RRM2: variants seen among roughly 807,000 people sequenced by gnomAD.
RRM2 encodes ribonucleotide reductase regulatory subunit M2.
Under a neutral mutation model 45.9 loss-of-function variants are expected in RRM2, and 6 were observed. That is an observed-to-expected ratio of 0.13 (90% CI 0.07 to 0.26). RRM2 has a LOEUF of 0.26. RRM2 is among the 10% of genes least tolerant of loss of function. The pLI is 1.00. For missense variants in RRM2, 343 were observed against 489.5 expected (o/e 0.70, Z 2.82); for synonymous variants, 177 against 173.0 (o/e 1.02, Z -0.18).
intron 3 of RRM2, chr2:10,155,275 GAAAT>G (rs1438436559): frequency 5.7e-6 from 1 of 176,426 alleles, no homozygotes; most frequent in African/African-American, 2.4e-5. Context: ...AAATTGCAGA[GAAAT>G]AAATAAGTAT....
intron 3 of RRM2, among the ~76,000 whole-genome samples, chr2:10,154,129 A>G (rs966913484): frequency 8.5e-5 from 13 of 152,262 alleles, no homozygotes; most frequent in Non-Finnish European, 1.0e-4. Context: ...TAAGTTCCCC[A>G]GTGATGAACT....
Position 10,199,800 on chromosome 2 carries a change from A to AAAAAAAAAAAAAAAC in RRM2, n.483-10502_483-10501insAAAAACAAAAAAAAA, listed in dbSNP as rs1572534126. Among the ~76,000 whole-genome samples the AAAAAAAAAAAAAAAC allele has an allele frequency of 1.6e-3, 160 of 97,878 alleles. 19 individuals carry two copies. The highest frequency in any genetic ancestry group is 2.0e-3 in the East Asian group (5 of 2,544). 64.2% of individuals were successfully genotyped at this position (97,878 alleles called of 152,430 possible). On this transcript the variant is annotated intron_variant and non_coding_transcript_variant, in intron 3 of 3. Coordinates refer to the RRM2 transcript ENST00000381786. ...GTCTCAAAAAAAAAAAAAAAAAAAA[A>AAAAAAAAAAAAAAAC]AAAAAAAAACAAATCATGGTATGAC...
chr2:10,164,842 C>A (rs1201617859), intron 3 of RRM2, among the ~76,000 whole-genome samples: 1 of 152,210 alleles, frequency 6.6e-6, no homozygotes, highest in Non-Finnish European at 1.5e-5. Context: ...CTCAACCAAG[C>A]TCAGTTTTTG....
chr2:10,141,858 T>C (rs554109221), exon 2 of RRM2: 1 of 1,558,500 alleles, frequency 6.4e-7, no homozygotes, highest in South Asian at 1.2e-5. Flanking sequence ...CTGCAGGTGC[T>C]GGGAGACCGT....
At chr2:10,154,311 TA>T (rs1663378356) in intron 3 of RRM2, among the ~76,000 whole-genome samples, 2 of 151,018 alleles carry the variant, frequency 1.3e-5, no homozygotes, top group Admixed American at 6.6e-5. Flanking sequence ...TCGCCTCTAC[TA>T]AAATAAATAC....
chr2:10,198,180 G>T (rs1664454281), intron 3 of RRM2, among the ~76,000 whole-genome samples: 1 of 152,166 alleles, frequency 6.6e-6, no homozygotes, highest in Non-Finnish European at 1.5e-5. Flanking sequence ...CCCACCCATG[G>T]GGTGCATCTT....
At chr2:10,168,663 T>C (rs987346820) in intron 3 of RRM2, among the ~76,000 whole-genome samples, 1 of 152,212 alleles carries the variant, frequency 6.6e-6, no homozygotes, top group African/African-American at 2.4e-5. Context: ...GTGCCGGCTC[T>C]GGCCTGGCCG....
At chr2:10,141,703 T>G in intron 1 of RRM2, 4 of 1,147,012 alleles carry the variant, frequency 3.5e-6, no homozygotes, top group Non-Finnish European at 4.9e-6. Flanking sequence ...GACCTGTTCT[T>G]GGGAAGGAAA....
chr2:10,138,442 C>T (rs1319722145), upstream of RRM2, among the ~76,000 whole-genome samples: 3 of 152,084 alleles, frequency 2.0e-5, no homozygotes, highest in Non-Finnish European at 4.4e-5. Flanking sequence ...GCTGGGATTA[C>T]AACCATTAGC....
At position 10,127,042 on chromosome 2, in the gene RRM2, G is replaced by C; in HGVS notation, c.665-45G>C. On this transcript the variant is annotated intron_variant, in intron 6 of 9. Coordinates refer to ENST00000304567, the MANE Select transcript of RRM2 (RefSeq NM_001034.4). This position sits in a 1 kb window ranked among gnomAD's most constrained non-coding sequence, Gnocchi z 4.1. ...TAATGTTACTGGATTTTTGGCCCTT[G>C]AATACCAACTCACTAGAATCATGTT... is the stretch of plus-strand genomic sequence containing the variant. 6.2e-7 allele frequency: 1 copy of C among 1,611,560 alleles called. No homozygotes were observed. The highest frequency in any genetic ancestry group is 8.5e-7 in the Non-Finnish European group (1 of 1,177,898).
chr2:10,166,434 G>A (rs1426914209), intron 3 of RRM2, among the ~76,000 whole-genome samples: 1 of 152,178 alleles, frequency 6.6e-6, no homozygotes, highest in Non-Finnish European at 1.5e-5. Flanking sequence ...TGAACACCAA[G>A]CTGCCCTGAA....
chr2:10,124,404 C>T (rs1310180287), intron 4 of RRM2, among the ~76,000 whole-genome samples: 1 of 152,198 alleles, frequency 6.6e-6, no homozygotes, highest in Non-Finnish European at 1.5e-5. Context: ...CCACGCCCGG[C>T]TCTGCTCCCT....
At chr2:10,146,085 C>A in intron 3 of RRM2, 1 of 152,388 alleles carries the variant, frequency 6.6e-6, no homozygotes, top group Non-Finnish European at 1.5e-5. Flanking sequence ...GCACCCTGCA[C>A]CAGCAGAAGG....
downstream of RRM2, among the ~76,000 whole-genome samples, chr2:10,133,660 G>T (rs1362125194): frequency 6.6e-6 from 1 of 151,654 alleles, no homozygotes; most frequent in Admixed American, 6.6e-5. Context: ...GAACACATCA[G>T]TGGTGTCTCC....
At chr2:10,188,650 G>A (rs556472330) in intron 3 of RRM2, among the ~76,000 whole-genome samples, 3 of 152,030 alleles carry the variant, frequency 2.0e-5, no homozygotes, top group Non-Finnish European at 4.4e-5. Flanking sequence ...GTCATCATGA[G>A]CCACCTTCCT....
intron 3 of RRM2, chr2:10,142,475 G>A (rs1663105143): frequency 2.6e-5 from 31 of 1,202,864 alleles, no homozygotes; most frequent in Non-Finnish European, 3.5e-5. Flanking sequence ...AGTGTACAGG[G>A]CCCCCACGCA....
At position 10,199,598 on chromosome 2, in the gene RRM2, A is replaced by G. The variant is rs372229239; in HGVS notation, n.483-10713A>G. Among the ~76,000 whole-genome samples, 690 of 151,732 alleles carry G rather than the reference A, an allele frequency of 4.5e-3. 1 individual carries two copies. Among genetic ancestry groups the G allele is most frequent in the Middle Eastern group, 6.8e-3 (2 of 294 alleles). ...AGATCAAGACCATCCTGGCTAACACAGTGAAACCCCGTCTCTACTAAAAAT... is the reference window on the plus strand; with the variant it reads ...AGATCAAGACCATCCTGGCTAACACGGTGAAACCCCGTCTCTACTAAAAAT... On this transcript the variant is annotated intron_variant and non_coding_transcript_variant, in intron 3 of 3. Coordinates refer to the RRM2 transcript ENST00000381786.
chr2:10,200,617 G>A (rs1413757814), intron 3 of RRM2, among the ~76,000 whole-genome samples: 1 of 79,078 alleles, frequency 1.3e-5, no homozygotes, highest in Non-Finnish European at 2.8e-5. Context: ...CACAGGGACC[G>A]CGCGCGCAAA....
chr2:10,177,559 TG>T (rs1173339961), intron 3 of RRM2, among the ~76,000 whole-genome samples: 1 of 152,156 alleles, frequency 6.6e-6, no homozygotes, highest in Non-Finnish European at 1.5e-5. Context: ...CATTCGTGTG[TG>T]TGTGTTCCTC....
Sources: gnomAD v4.1 joint callset for allele counts (sites outside exome capture counted in the v4.1 genomes callset) on GRCh38, gnomAD v4.1.1 for gene constraint, Gnocchi (gnomAD v3.1) non-coding constraint, MANE v1.5 for transcripts, NCBI Gene and HGNC (gene_info 2026-07-23, HGNC 2026-07-21) for gene names.